Variants in ASTN2 observed in about 807,000 individuals in gnomAD.
ASTN2 encodes the protein astrotactin 2, also known as astrotactin-2.
In ASTN2, 54 loss-of-function variants were observed where a neutral mutation model predicts 139.8. The observed-to-expected ratio is 0.39, with a 90% CI of 0.31 to 0.48. The LOEUF is 0.48. Among genes scored for constraint, ASTN2 ranks in the 20% least tolerant of loss-of-function variants. ASTN2 has a pLI of 0.95. For missense variants in ASTN2, 1,565 were observed against 1,725.1 expected (o/e 0.91, Z 1.64); for synonymous variants, 756 against 719.5 (o/e 1.05, Z -0.81).
At chr9:117,261,513 T>G (rs908537413) in intron 2 of ASTN2, among the ~76,000 whole-genome samples, 2 of 152,168 alleles carry the variant, frequency 1.3e-5, no homozygotes, top group African/African-American at 2.4e-5. Flanking sequence ...AAATGTTTCT[T>G]CAATAAATGC....
intron 13 of ASTN2, among the ~76,000 whole-genome samples, chr9:116,783,008 G>A (rs1225338089): frequency 6.6e-6 from 1 of 152,076 alleles, no homozygotes; most frequent in East Asian, 1.9e-4. Context: ...TGATCCAGGG[G>A]ACTTTTGTCT....
intron 2 of ASTN2, among the ~76,000 whole-genome samples, chr9:117,252,126 G>T (rs1833556378): frequency 6.6e-6 from 1 of 152,184 alleles, no homozygotes; most frequent in Non-Finnish European, 1.5e-5. Context: ...TAATGATGGG[G>T]ATGAATGTCT....
chr9:117,222,299 T>C (rs1245653778), intron 2 of ASTN2, among the ~76,000 whole-genome samples: 1 of 152,188 alleles, frequency 6.6e-6, no homozygotes, highest in Non-Finnish European at 1.5e-5. Context: ...TCTTCAAATG[T>C]GTGCTTTGGC....
intron 19 of ASTN2, among the ~76,000 whole-genome samples, chr9:116,571,771 T>G (rs1179813675): frequency 2.6e-5 from 4 of 152,148 alleles, no homozygotes; most frequent in Non-Finnish European, 4.4e-5. Context: ...TGTGTAACTT[T>G]GTATGTGTTG....
intron 1 of ASTN2, among the ~76,000 whole-genome samples, chr9:117,381,370 T>C (rs1241138801): frequency 6.6e-6 from 1 of 152,040 alleles, no homozygotes; most frequent in Non-Finnish European, 1.5e-5. Flanking sequence ...CCAACATGTA[T>C]CTCATGTTGA....
chr9:117,414,933 G>A lies in ASTN2; in HGVS notation c.6C>T (p.Ala2=). The change falls in exon 1 of 23, where the codon GCC becomes GCT. Residue 2 remains alanine (A), a synonymous_variant. Coordinates refer to ENST00000313400, the MANE Select transcript of ASTN2 (RefSeq NM_001365068.1). The surrounding 1 kb of genome is among the most constrained non-coding windows in gnomAD (Gnocchi z 4.2). ...CGGGGCTGAGCCGGGCGCCGGCGGC[G>A]GCCATGGCGGGAGGGGCTGCGGTGC... M[A]AAGARLSPGP... is the part of the protein sequence containing the mutation. 2.5e-6 allele frequency: 1 copy of A among 392,990 alleles called. No homozygotes were observed. Among genetic ancestry groups the A allele is most frequent in the Non-Finnish European group, 3.7e-6 (1 of 270,564 alleles). 24.3% of individuals were successfully genotyped at this position (392,990 alleles called of 1,614,324 possible). A position where few individuals can be genotyped will look rare whatever the true frequency, so the allele number is the denominator to read the frequency against.
At chr9:117,091,893 G>T (rs928356710) in intron 5 of ASTN2, among the ~76,000 whole-genome samples, 12 of 152,192 alleles carry the variant, frequency 7.9e-5, no homozygotes, top group Middle Eastern at 3.2e-3. Context: ...TGGACTGGAA[G>T]ACAGCAAGGG....
chr9:116,674,147 C>G (rs1298982866), intron 16 of ASTN2, among the ~76,000 whole-genome samples: 1 of 152,182 alleles, frequency 6.6e-6, no homozygotes, highest in African/African-American at 2.4e-5. Context: ...CTGGAGGTTA[C>G]AAGATGCTGA....
intron 10 of ASTN2, among the ~76,000 whole-genome samples, chr9:116,934,940 AT>A (rs1835024823): frequency 6.6e-6 from 1 of 152,164 alleles, no homozygotes; most frequent in South Asian, 2.1e-4. Flanking sequence ...ACGTGTGTAC[AT>A]CCCAGCTGTT....
intron 6 of ASTN2, among the ~76,000 whole-genome samples, chr9:117,016,433 G>C (rs1015576746): frequency 9.3e-5 from 14 of 151,346 alleles, no homozygotes; most frequent in Non-Finnish European, 5.9e-5. Context: ...TCCTGGTGGA[G>C]GGAAACTGTC....
At chr9:116,763,934 G>A (rs1245005936) in intron 13 of ASTN2, among the ~76,000 whole-genome samples, 1 of 152,174 alleles carries the variant, frequency 6.6e-6, no homozygotes, top group Non-Finnish European at 1.5e-5. Flanking sequence ...GGGTAAGAGT[G>A]CTGCAGAGGA....
chr9:116,527,100 A>T (rs1118060), intron 19 of ASTN2, among the ~76,000 whole-genome samples: 47,640 of 152,058 alleles, frequency 0.31, 8,613 homozygotes, highest in Admixed American at 0.44. Context: ...AGAAGAAAAC[A>T]GTGGAAAAGT....
chr9:116,801,191 C>T (rs1414619774), intron 13 of ASTN2, among the ~76,000 whole-genome samples: 2 of 152,120 alleles, frequency 1.3e-5, no homozygotes, highest in African/African-American at 4.8e-5. Context: ...ATGACAACTG[C>T]ATTTGATGCT....
At chr9:116,608,375 C>T (rs1588073728) in intron 19 of ASTN2, among the ~76,000 whole-genome samples, 1 of 152,154 alleles carries the variant, frequency 6.6e-6, no homozygotes, top group South Asian at 2.1e-4. Flanking sequence ...CCTGTCTCTA[C>T]CAGCCATACT....
intron 7 of ASTN2, among the ~76,000 whole-genome samples, chr9:116,995,314 T>C (rs1836984949): frequency 6.6e-6 from 1 of 152,230 alleles, no homozygotes; most frequent in Non-Finnish European, 1.5e-5. Flanking sequence ...GGAAATGCTC[T>C]TTGTATTATA....
intron 13 of ASTN2, among the ~76,000 whole-genome samples, chr9:116,803,522 A>ATATGTATATATATATAT (rs1554748694): frequency 2.4e-4 from 5 of 21,138 alleles, no homozygotes; most frequent in African/African-American, 2.2e-4. Flanking sequence ...ATATATATAT[A>ATATGTATATATATATAT]TTTTTTTTTT....
At chr9:116,880,355 T>C (rs893705032) in intron 10 of ASTN2, among the ~76,000 whole-genome samples, 1 of 152,330 alleles carries the variant, frequency 6.6e-6, no homozygotes, top group East Asian at 1.9e-4. Flanking sequence ...TTTCTCTGTA[T>C]AGCTGTCACT....
intron 2 of ASTN2, among the ~76,000 whole-genome samples, chr9:117,264,836 A>T (rs1332511492): frequency 1.3e-5 from 2 of 152,244 alleles, no homozygotes; most frequent in Admixed American, 6.5e-5. Flanking sequence ...CCCTTAGAAC[A>T]AATTAGATAA....
intron 13 of ASTN2, among the ~76,000 whole-genome samples, chr9:116,780,879 A>C (rs1461440539): frequency 4.2e-5 from 6 of 143,572 alleles, no homozygotes; most frequent in African/African-American, 1.5e-4. Context: ...TGCTCTTGTT[A>C]CCCAGGCTGG....
Sources: allele counts gnomAD v4.1 joint callset (sites outside exome capture counted in the v4.1 genomes callset), GRCh38; gene constraint gnomAD v4.1.1; non-coding constraint Gnocchi (gnomAD v3.1); transcripts MANE v1.5; gene names NCBI Gene and HGNC (gene_info 2026-07-23, HGNC 2026-07-21).